Variants in MAGI1 observed in about 807,000 individuals in gnomAD.
MAGI1 encodes membrane associated guanylate kinase, WW and PDZ domain containing 1.
MAGI1 carries 58 observed loss-of-function variants against 139.9 expected under a neutral mutation model. That is an observed-to-expected ratio of 0.41 (90% CI 0.34 to 0.52). The LOEUF (loss-of-function observed/expected upper bound fraction) is 0.52. MAGI1 is among the 20% of genes least tolerant of loss of function. The pLI is 0.12. For synonymous variants in MAGI1, 812 were observed against 737.9 expected (o/e 1.10, Z -1.63); for missense variants, 1,874 against 1,901.6 (o/e 0.99, Z 0.27).
chr3:65,486,373 G>T (rs1951638344), intron 3 of MAGI1, among the ~76,000 whole-genome samples: 1 of 152,064 alleles, frequency 6.6e-6, no homozygotes, highest in African/African-American at 2.4e-5. Flanking sequence ...GCCATGTCTG[G>T]ATCCCCACCC....
intron 2 of MAGI1, 50 bp from the exon 3 acceptor site, chr3:65,493,681 G>A (rs1952217924): frequency 4.4e-6 from 7 of 1,609,078 alleles, no homozygotes; most frequent in Non-Finnish European, 5.1e-6. Flanking sequence ...AACTAAAACA[G>A]GAAGTTCCAC....
At chr3:65,643,416 C>G (rs2085090073) in intron 1 of MAGI1, among the ~76,000 whole-genome samples, 5 of 152,064 alleles carry the variant, frequency 3.3e-5, no homozygotes, top group Admixed American at 3.3e-4. Context: ...TGACACTTCC[C>G]CTTCTGTAAA....
chr3:65,928,949 G>GGCA (rs2062659142), intron 1 of MAGI1, among the ~76,000 whole-genome samples: 1 of 152,014 alleles, frequency 6.6e-6, no homozygotes, highest in Non-Finnish European at 1.5e-5. Context: ...ATAATGGGTG[G>GGCA]GCAGGACATA....
Position 65,353,852 on chromosome 3 carries a change from A to G in MAGI1, c.*2526T>C, listed in dbSNP as rs923890453. On this transcript the variant is annotated 3_prime_UTR_variant, in exon 23 of 23. Transcript: ENST00000402939. The stretch of plus-strand genomic sequence containing the variant: ...AAAACTATATCTTTCTGCATAATGC[A>G]TAGTCCCTGTACAGTACAATATTTC... 5 of 152,248 alleles carry G rather than the reference A, an allele frequency of 3.3e-5. No individual in the cohort carries two copies. The highest frequency in any genetic ancestry group is 1.2e-4 in the African/African-American group (5 of 41,468). The allele number at this position is 152,248 out of a possible 1,614,324, so 9.4% of individuals were successfully genotyped here.
chr3:65,670,465 A>T (rs1202541183), intron 1 of MAGI1, among the ~76,000 whole-genome samples: 3 of 152,046 alleles, frequency 2.0e-5, no homozygotes, highest in Non-Finnish European at 4.4e-5. Flanking sequence ...TGTAGGTTTC[A>T]TGAAAATTTA....
chr3:65,391,380 G>T (rs1237385900), intron 13 of MAGI1, 22 bp from the exon 14 acceptor site: 3 of 1,595,716 alleles, frequency 1.9e-6, no homozygotes, highest in Non-Finnish European at 2.6e-6. Flanking sequence ...CAAGTGAGAG[G>T]GGCAAGAAGA....
At chr3:65,432,737 A>G (rs1018464272) in intron 10 of MAGI1, among the ~76,000 whole-genome samples, 2 of 152,234 alleles carry the variant, frequency 1.3e-5, no homozygotes, top group South Asian at 4.1e-4. Flanking sequence ...ATGGAAATTG[A>G]GGTGAGGTAA....
rs57675079 is a variant in MAGI1, at chr3:65,921,402, G to A, written c.313+116594C>T. Reference sequence around the variant, plus strand: ...CAGCTTACTGCAATCTCTGTGTCCCGGGTTCAAGTAATTCTCCCATCTCAG... The same window carrying A: ...CAGCTTACTGCAATCTCTGTGTCCCAGGTTCAAGTAATTCTCCCATCTCAG... On this transcript the variant is annotated intron_variant, in intron 1 of 22. Transcript: ENST00000402939. Among the ~76,000 whole-genome samples, 960 of 151,526 alleles carry A rather than the reference G, an allele frequency of 6.3e-3. 5 individuals are homozygous for A. Among genetic ancestry groups the A allele is most frequent in the African/African-American group, 0.02 (841 of 41,282 alleles).
intron 1 of MAGI1, among the ~76,000 whole-genome samples, chr3:65,856,172 T>C (rs528815823): frequency 2.0e-5 from 3 of 152,264 alleles, no homozygotes; most frequent in African/African-American, 7.2e-5. Flanking sequence ...TAGTCACATA[T>C]GGCTAATGGC....
intron 1 of MAGI1, among the ~76,000 whole-genome samples, chr3:65,684,297 C>CCAG (rs1198919525): frequency 1.3e-5 from 2 of 151,940 alleles, no homozygotes; most frequent in Admixed American, 1.3e-4. Context: ...CACCAGTATG[C>CCAG]CAGCATTCAT....
chr3:65,509,824 C>T (rs1391647200), intron 2 of MAGI1, among the ~76,000 whole-genome samples: 3 of 152,100 alleles, frequency 2.0e-5, no homozygotes, highest in African/African-American at 4.8e-5. Context: ...GGCCTGCCTG[C>T]CTCTGTAGGC....
At chr3:66,007,678 G>C (rs1184710745) in intron 1 of MAGI1, among the ~76,000 whole-genome samples, 1 of 152,190 alleles carries the variant, frequency 6.6e-6, no homozygotes, top group Non-Finnish European at 1.5e-5. Context: ...ACTGGTAGCA[G>C]TAATATGGAT....
At chr3:65,443,204 G>A (rs1220958963) in intron 7 of MAGI1, among the ~76,000 whole-genome samples, 1 of 151,966 alleles carries the variant, frequency 6.6e-6, no homozygotes, top group Non-Finnish European at 1.5e-5. Context: ...TTTGTTCCTA[G>A]GCCATCTTAT....
At chr3:65,688,482 C>A in intron 1 of MAGI1, 1 of 457,536 alleles carries the variant, frequency 2.2e-6, no homozygotes, top group South Asian at 1.9e-5. Context: ...TCCCTTCACT[C>A]CCTTTCCTAC....
intron 1 of MAGI1, among the ~76,000 whole-genome samples, chr3:65,722,942 T>A (rs535467161): frequency 6.6e-6 from 1 of 150,650 alleles, no homozygotes; most frequent in South Asian, 2.1e-4. Flanking sequence ...TTGATTTTTA[T>A]AGATACAAGA....
At chr3:65,742,250 T>G (rs1361224567) in intron 1 of MAGI1, among the ~76,000 whole-genome samples, 1 of 152,174 alleles carries the variant, frequency 6.6e-6, no homozygotes, top group Non-Finnish European at 1.5e-5. Context: ...TCAGGTTCCC[T>G]GCCAAATATT....
At chr3:65,908,710 C>A (rs112730949) in intron 1 of MAGI1, among the ~76,000 whole-genome samples, 121 of 152,264 alleles carry the variant, frequency 7.9e-4, no homozygotes, top group Middle Eastern at 6.8e-3. Context: ...AGCTGTCCAG[C>A]GTAAAGGATA....
chr3:65,923,809 A>G lies in MAGI1; in HGVS notation c.313+114187T>C, dbSNP rs72906964. On this transcript the variant is annotated intron_variant, in intron 1 of 22. Transcript: ENST00000402939. ...CCAAGTAACATGTTGGGCCTAAGGTACAGCTCTCTCCATATGCAAAAAAGA... is the reference window on the plus strand; with the variant it reads ...CCAAGTAACATGTTGGGCCTAAGGTGCAGCTCTCTCCATATGCAAAAAAGA... 5.9e-3 allele frequency among the ~76,000 whole-genome samples: 898 copies of G among 152,314 alleles called. 4 individuals are homozygous for G. Among genetic ancestry groups the G allele is most frequent in the African/African-American group, 0.02 (849 of 41,562 alleles).
intron 2 of MAGI1, among the ~76,000 whole-genome samples, chr3:65,507,632 A>G (rs969338311): frequency 6.6e-6 from 1 of 152,226 alleles, no homozygotes; most frequent in African/African-American, 2.4e-5. Flanking sequence ...AACGATCTCT[A>G]TAACTATAAA....
Sources: gnomAD v4.1 joint callset for allele counts (sites outside exome capture counted in the v4.1 genomes callset) on GRCh38, gnomAD v4.1.1 for gene constraint, MANE v1.5 for transcripts, NCBI Gene and HGNC (gene_info 2026-07-23, HGNC 2026-07-21) for gene names.